Variants in LAMC3 observed in about 807,000 individuals in gnomAD.
LAMC3 encodes the protein laminin subunit gamma-3.
In LAMC3, 128 loss-of-function variants were observed where a neutral mutation model predicts 173.8. The observed-to-expected ratio is 0.74, with a 90% CI of 0.64 to 0.85. The LOEUF is 0.85. Among genes scored for constraint, LAMC3 ranks in the 40% least tolerant of loss-of-function variants. The pLI is 0.00. For synonymous variants in LAMC3, 897 were observed against 909.1 expected (o/e 0.99, Z 0.24); for missense variants, 2,022 against 2,156.0 (o/e 0.94, Z 1.23).
intron 1 of LAMC3, among the ~76,000 whole-genome samples, chr9:131,018,454 C>T (rs1221667732): frequency 6.6e-6 from 1 of 151,910 alleles, no homozygotes. Flanking sequence ...TTTTAAACAG[C>T]GACGAGAATT....
rs766820164 is a variant in LAMC3, at chr9:131,026,306, A to G, written c.395A>G (p.Tyr132Cys). Residue 132 changes from tyrosine to cysteine, a missense_variant, in exon 2 of 28, where the codon TAT becomes TGT. Tyr to Cys is a radical substitution (Grantham distance 194). Coordinates refer to ENST00000361069, the MANE Select transcript of LAMC3 (RefSeq NM_006059.4). This position sits in a 1 kb window ranked among gnomAD's most constrained non-coding sequence, Gnocchi z 4.8. ...LRLGKAYEIT[Y>C]VRLKFHTSRP... ...GCAGGGAAGGCTTATGAGATCACGT[A>G]TGTGAGGCTGAAGTTCCACACCAGT... 2.5e-6 allele frequency: 4 copies of G among 1,613,994 alleles called. No individual in the cohort carries two copies. Among genetic ancestry groups the G allele is most frequent in the African/African-American group, 1.3e-5 (1 of 74,940 alleles).
chr9:131,025,468 G>A lies in LAMC3; in HGVS notation c.374-817G>A, dbSNP rs148534734. On this transcript the variant is annotated intron_variant, in intron 1 of 27. Transcript: ENST00000361069. Reference sequence around the variant, plus strand: ...CAGATCCTCCAGCTGGGTGTCGGGGGCATGTGGGGGAGTGGGGCTAAAGCC... The same window carrying A: ...CAGATCCTCCAGCTGGGTGTCGGGGACATGTGGGGGAGTGGGGCTAAAGCC... 3.1e-3 allele frequency among the ~76,000 whole-genome samples: 465 copies of A among 152,246 alleles called. 6 individuals are homozygous for A. The highest frequency in any genetic ancestry group is 0.011 in the African/African-American group (448 of 41,552).
intron 18 of LAMC3, among the ~76,000 whole-genome samples, chr9:131,072,253 A>C (rs977070195): frequency 6.6e-6 from 1 of 152,186 alleles, no homozygotes; most frequent in Non-Finnish European, 1.5e-5. Context: ...CGAGCTGAGA[A>C]CCTGTTAGCA....
At chr9:131,068,760 C>G in intron 15 of LAMC3, 148 bp from the exon 16 acceptor site, 1 of 771,414 alleles carries the variant, frequency 1.3e-6, no homozygotes, top group Non-Finnish European at 2.1e-6. Flanking sequence ...CAGAGCACAG[C>G]TGGGGAAGCT....
chr9:131,050,349 G>A (rs1290728877), intron 9 of LAMC3, among the ~76,000 whole-genome samples: 5 of 152,206 alleles, frequency 3.3e-5, no homozygotes, highest in South Asian at 2.1e-4. Context: ...AGAAACAAAC[G>A]TCTGGGCTGG....
intron 3 of LAMC3, among the ~76,000 whole-genome samples, chr9:131,035,170 C>A (rs2314604): frequency 0.64 from 97,042 of 151,894 alleles, 31,792 homozygotes; most frequent in East Asian, 0.75. Flanking sequence ...GGCTGGTCTC[C>A]AACTCCTGAC....
At chr9:131,017,563 A>T (rs1387735709) in intron 1 of LAMC3, among the ~76,000 whole-genome samples, 1 of 77,460 alleles carries the variant, frequency 1.3e-5, no homozygotes, top group Middle Eastern at 0.01. Context: ...TTTCTCTATT[A>T]AAAAAAAAAA....
chr9:131,070,726 T>C (rs1830024470), intron 17 of LAMC3, among the ~76,000 whole-genome samples: 1 of 150,498 alleles, frequency 6.6e-6, no homozygotes. Flanking sequence ...AAAAAAAAGA[T>C]GCATGCTGTG....
chr9:131,075,089 C>A (rs1245748797), intron 20 of LAMC3, among the ~76,000 whole-genome samples: 1 of 151,730 alleles, frequency 6.6e-6, no homozygotes, highest in Non-Finnish European at 1.5e-5. Context: ...GATGGTGAAA[C>A]CCCCATCGCT....
At chr9:131,084,712 C>T (rs1419756338) in intron 24 of LAMC3, among the ~76,000 whole-genome samples, 1 of 151,304 alleles carries the variant, frequency 6.6e-6, no homozygotes, top group African/African-American at 2.4e-5. Context: ...GCCTGGCCAA[C>T]ATGGTGAAAC....
rs1235074821 is a variant in LAMC3, at chr9:131,091,110, TTGCCCACATCCA to T, written c.4478-426_4478-415del. Among the ~76,000 whole-genome samples, 7 of 152,348 alleles carry T rather than the reference TTGCCCACATCCA, an allele frequency of 4.6e-5. No individual in the cohort carries two copies. The East Asian group carries it at 1.4e-3, about 29-fold the overall frequency. On this transcript the variant is annotated intron_variant, in intron 27 of 27. Coordinates refer to ENST00000361069, the MANE Select transcript of LAMC3 (RefSeq NM_006059.4). ...GTGGGCCTGTGGTTTACCCCAGTGATTGCCCACATCCAGGCCCACAGGCGGCATCTGTAAACG... is the reference window on the plus strand; with the variant it reads ...GTGGGCCTGTGGTTTACCCCAGTGATGGCCCACAGGCGGCATCTGTAAACG...
rs780209733 is a variant in LAMC3 at position 131,039,032 on chromosome 9, C to T, written c.1145C>T (p.Pro382Leu). The change falls in exon 5 of 28, where the codon CCC (proline) becomes CTC (leucine). Residue 382 changes from proline to leucine, a missense_variant. By Grantham distance (98) the Pro-to-Leu change is moderately conservative. Coordinates refer to ENST00000361069, the MANE Select transcript of LAMC3 (RefSeq NM_006059.4). ...YHWDPRMPCQ[P>L]CDCQSAGSLH... ...TGGGACCCGCGGATGCCATGCCAGC[C>T]CTGTGACTGCCAGTCGGCAGGTGAG... 9.0e-5 allele frequency: 145 copies of T among 1,613,478 alleles called. No individual in the cohort carries two copies. Among genetic ancestry groups the T allele is most frequent in the Non-Finnish European group, 1.2e-4 (138 of 1,180,006 alleles).
intron 6 of LAMC3, among the ~76,000 whole-genome samples, chr9:131,040,873 G>T (rs376470564): frequency 1.3e-5 from 2 of 152,166 alleles, no homozygotes; most frequent in African/African-American, 4.8e-5. Context: ...CACGTATCGC[G>T]GTACAGGGTC....
chr9:131,031,134 G>T (rs549978512), intron 2 of LAMC3, among the ~76,000 whole-genome samples: 3 of 152,392 alleles, frequency 2.0e-5, no homozygotes, highest in African/African-American at 2.4e-5. Flanking sequence ...GTCGGCCTGA[G>T]TCACGCTGGG....
intron 17 of LAMC3, 152 bp downstream of exon 17, chr9:131,070,002 C>T: frequency 1.2e-6 from 1 of 813,300 alleles, no homozygotes; most frequent in Non-Finnish European, 2.0e-6. Flanking sequence ...CACCCAGCTT[C>T]AGGCCTGTTC....
Position 131,009,388 on chromosome 9 carries a change from C to G in LAMC3, c.174C>G (p.Pro58=), listed in dbSNP as rs1358184362. The change falls in exon 1 of 28, where the codon CCC becomes CCG. Residue 58 remains proline (P), a synonymous_variant. Transcript: ENST00000361069. The surrounding 1 kb of genome is among the most constrained non-coding windows in gnomAD (Gnocchi z 4.3). ...CCTCGCACACGTGCGGCAGCCCGCC[C>G]GAGGACTTCTGTCCCCACGTGGGCG... ...AQASHTCGSP[P]EDFCPHVGAA... is the part of the protein sequence containing the mutation. 5 of 1,531,892 alleles carry G rather than the reference C, an allele frequency of 3.3e-6. No homozygotes were observed. Among genetic ancestry groups the G allele is most frequent in the South Asian group, 2.4e-5 (2 of 83,052 alleles). The allele number at this position is 1,531,892 out of a possible 1,614,324, so 94.9% of individuals were successfully genotyped here. A position where few individuals can be genotyped will look rare whatever the true frequency, so the allele number is the denominator to read the frequency against.
chr9:131,028,791 AG>A (rs1190870832), intron 2 of LAMC3, among the ~76,000 whole-genome samples: 1 of 152,268 alleles, frequency 6.6e-6, no homozygotes, highest in Non-Finnish European at 1.5e-5. Context: ...CAGTGTGCGT[AG>A]AGTACTGCCA....
At chr9:131,049,204 T>C in intron 9 of LAMC3, 74 bp downstream of exon 9, 1 of 864,530 alleles carries the variant, frequency 1.2e-6, no homozygotes, top group Admixed American at 2.0e-5. Context: ...TGCCGCATAT[T>C]AGAGGCTGAA....
Position 131,087,554 on chromosome 9 carries a change from C to T in LAMC3, c.4309C>T (p.Leu1437Phe). 1 of 1,613,944 alleles carries T rather than the reference C, an allele frequency of 6.2e-7. No homozygotes were observed. The highest frequency in any genetic ancestry group is 1.1e-5 in the South Asian group (1 of 91,090). Residue 1437 changes from leucine to phenylalanine, a missense_variant, in exon 26 of 28, where the codon CTC becomes TTC. Leu to Phe is a conservative substitution (Grantham distance 22). Transcript: ENST00000361069. ...GCTCACCAGCCAGACGCAAGCCACG[C>T]TCCAACAGGCGTCCCAGCAGGTGCT... is the stretch of plus-strand genomic sequence containing the variant. Reference protein sequence around the residue: ...SRLTSQTQATLQQASQQVLAS... With the variant: ...SRLTSQTQATFQQASQQVLAS...
Sources: allele counts gnomAD v4.1 joint callset (sites outside exome capture counted in the v4.1 genomes callset), GRCh38; gene constraint gnomAD v4.1.1; non-coding constraint Gnocchi (gnomAD v3.1); transcripts MANE v1.5; gene names NCBI Gene and HGNC (gene_info 2026-07-23, HGNC 2026-07-21).